The following DOCK1 variants were observed in gnomAD, a reference collection of about 807,000 sequenced individuals.
DOCK1 encodes the protein dedicator of cytokinesis 1.
A neutral mutation model predicts 262.7 loss-of-function variants in DOCK1; 138 were observed. The ratio of observed to expected loss-of-function variants is 0.53; its 90% CI spans 0.46 to 0.61. The LOEUF is 0.61. DOCK1 is among the 20% of genes least tolerant of loss of function. DOCK1 has a pLI of 0.00. For synonymous variants in DOCK1, 866 were observed against 867.4 expected (o/e 1.00, Z 0.03); for missense variants, 1,908 against 2,370.7 (o/e 0.80, Z 4.05).
chr10:127,123,169 C>T (rs1412208394), intron 25 of DOCK1, among the ~76,000 whole-genome samples: 1 of 152,212 alleles, frequency 6.6e-6, no homozygotes, highest in African/African-American at 2.4e-5. Flanking sequence ...AAGACGGCTT[C>T]TAAGCTTATG....
At chr10:127,438,947 G>A in intron 48 of DOCK1, 80 bp from the exon 49 acceptor site, 1 of 1,374,466 alleles carries the variant, frequency 7.3e-7, no homozygotes, top group Non-Finnish European at 9.8e-7. Context: ...GTCTTCGATG[G>A]ATTGTGAGTG....
intron 23 of DOCK1, among the ~76,000 whole-genome samples, chr10:127,064,164 G>A (rs139615050): frequency 6.8e-4 from 103 of 152,320 alleles, no homozygotes; most frequent in African/African-American, 2.4e-3. Flanking sequence ...GTTTCCCCAA[G>A]TGTGGCCCTC....
chr10:126,980,620 G>T (rs1565027118), intron 3 of DOCK1, among the ~76,000 whole-genome samples: 1 of 152,066 alleles, frequency 6.6e-6, no homozygotes, highest in Non-Finnish European at 1.5e-5. Flanking sequence ...ATGAATCATT[G>T]GTGCCTGCTA....
chr10:127,182,858 C>T (rs923282648), intron 27 of DOCK1, among the ~76,000 whole-genome samples: 5 of 152,002 alleles, frequency 3.3e-5, no homozygotes, highest in Admixed American at 2.6e-4. Context: ...CCTTTAGTTA[C>T]GATAGCAGGT....
At position 126,995,777 on chromosome 10, in the gene DOCK1, G is replaced by T. The variant is rs536302193; in HGVS notation, c.474-971G>T. On this transcript the variant is annotated intron_variant, in intron 6 of 51. Transcript: ENST00000623213. This position sits in a 1 kb window ranked among gnomAD's most constrained non-coding sequence, Gnocchi z 5.8. Reference sequence around the variant, plus strand: ...GTTGGTGACTACATTTAGCCATCTGGCCAGGAAGTTGCTTAACCTTATTGT... The same window carrying T: ...GTTGGTGACTACATTTAGCCATCTGTCCAGGAAGTTGCTTAACCTTATTGT... Among the ~76,000 whole-genome samples, 15 of 152,336 alleles carry T rather than the reference G, an allele frequency of 9.8e-5. No homozygotes were observed. Among genetic ancestry groups the T allele is most frequent in the African/African-American group, 3.6e-4 (15 of 41,582 alleles).
At chr10:127,415,001 G>A (rs2134432043) in intron 43 of DOCK1, 151 bp from the exon 44 acceptor site, 1 of 647,300 alleles carries the variant, frequency 1.5e-6, no homozygotes, top group East Asian at 2.9e-5. Flanking sequence ...GCTACCTGAA[G>A]GCACACATGC....
intron 4 of DOCK1, among the ~76,000 whole-genome samples, chr10:126,984,707 G>A (rs10443993): frequency 0.26 from 39,524 of 151,958 alleles, 5,732 homozygotes; most frequent in East Asian, 0.62. Flanking sequence ...AAAATTGTAT[G>A]TATTTATGGT....
At chr10:127,280,285 C>T (rs914332055) in intron 29 of DOCK1, among the ~76,000 whole-genome samples, 4 of 151,992 alleles carry the variant, frequency 2.6e-5, no homozygotes, top group Middle Eastern at 6.3e-3. Flanking sequence ...CCGCCCGCCT[C>T]GGCCTCCCAA....
chr10:127,109,656 C>G (rs2048747592), intron 24 of DOCK1, among the ~76,000 whole-genome samples: 1 of 152,212 alleles, frequency 6.6e-6, no homozygotes, highest in Admixed American at 6.5e-5. Flanking sequence ...CTGGCTTCTT[C>G]TACTTAGCAT....
intron 23 of DOCK1, among the ~76,000 whole-genome samples, chr10:127,083,426 T>G (rs2047021321): frequency 6.6e-6 from 1 of 152,180 alleles, no homozygotes; most frequent in South Asian, 2.1e-4. Flanking sequence ...ACCCTTTGCT[T>G]TGTTAGTTTT....
At chr10:127,125,678 G>C in intron 26 of DOCK1, 77 bp downstream of exon 26, 2 of 1,533,118 alleles carry the variant, frequency 1.3e-6, no homozygotes, top group Non-Finnish European at 8.7e-7. Flanking sequence ...ACTTTATTCA[G>C]TTAAAAATGA....
In DOCK1 at chr10:127,026,434, C is replaced by A; in HGVS notation, c.1624+10C>A. ...AGGTCATCACAGGACTGTGAGTAGT[C>A]AAGCACTTTCTTCCCCCAAGTATTT... is the stretch of plus-strand genomic sequence containing the variant. On this transcript the variant is annotated intron_variant, in intron 16 of 51. Transcript: ENST00000623213. The A allele has an allele frequency of 6.4e-7, 1 of 1,570,110 alleles. No homozygotes were observed. Among genetic ancestry groups the A allele is most frequent in the East Asian group, 2.3e-5 (1 of 42,832 alleles).
At chr10:127,091,941 G>A (rs1383623205) in intron 23 of DOCK1, among the ~76,000 whole-genome samples, 1 of 152,190 alleles carries the variant, frequency 6.6e-6, no homozygotes, top group Non-Finnish European at 1.5e-5. Flanking sequence ...GAACCTGAGG[G>A]CCGGGATGAA....
chr10:127,106,291 A>T lies in DOCK1; in HGVS notation c.2506A>T (p.Lys836Ter). 1 of 1,596,996 alleles carries T rather than the reference A, an allele frequency of 6.3e-7. No homozygotes were observed. Among genetic ancestry groups the T allele is most frequent in the Non-Finnish European group, 8.5e-7 (1 of 1,170,732 alleles). Residue 836 changes from lysine (K) to a stop codon, truncating the protein, a stop_gained, in exon 24 of 52, where the codon AAA becomes TAA. Transcript: ENST00000623213. LOFTEE classifies it high-confidence loss of function. ...CGATGTGAAATTGGTGTTTGATCCC[A>T]AAGAGCTCAGGTAAGTATGCAGCCC... ...VNDVKLVFDPKELSKMFTEFI... is the reference protein window; with the variant it reads ...VNDVKLVFDP
intron 27 of DOCK1, among the ~76,000 whole-genome samples, chr10:127,221,806 T>C (rs577379746): frequency 2.0e-5 from 3 of 152,332 alleles, no homozygotes; most frequent in Admixed American, 2.0e-4. Flanking sequence ...AAATTATGGC[T>C]TATCTTTCCT....
intron 38 of DOCK1, among the ~76,000 whole-genome samples, chr10:127,400,285 C>T (rs1205045709): frequency 2.0e-5 from 3 of 151,940 alleles, no homozygotes; most frequent in African/African-American, 7.3e-5. Flanking sequence ...TTGGGTGGCT[C>T]TGAAGTGAGT....
chr10:127,354,813 G>A (rs769201535), intron 32 of DOCK1, 86 bp downstream of exon 32: 56 of 1,522,214 alleles, frequency 3.7e-5, no homozygotes, highest in Non-Finnish European at 5.1e-5. Flanking sequence ...GTGTTGGGAT[G>A]TCTTAAGATC....
intron 29 of DOCK1, among the ~76,000 whole-genome samples, chr10:127,262,171 TGG>T (rs2060188429): frequency 6.8e-6 from 1 of 146,918 alleles, no homozygotes; most frequent in African/African-American, 2.5e-5. Context: ...TGTGTGCATG[TGG>T]GTGTGTGTGT....
chr10:127,190,490 C>G (rs1167524), intron 27 of DOCK1, among the ~76,000 whole-genome samples: 152,025 of 152,284 alleles, frequency 1, 75,883 homozygotes, highest in Non-Finnish European at 1. Flanking sequence ...GTTATAGATA[C>G]TACTATGCTT....
Sources: allele counts gnomAD v4.1 joint callset (sites outside exome capture counted in the v4.1 genomes callset), GRCh38; gene constraint gnomAD v4.1.1; non-coding constraint Gnocchi (gnomAD v3.1); transcripts MANE v1.5; gene names NCBI Gene and HGNC (gene_info 2026-07-23, HGNC 2026-07-21).